ANKRD11: variants seen among roughly 807,000 people sequenced by gnomAD.
ANKRD11 encodes ankyrin repeat domain 11, also known as ankyrin repeat domain-containing protein 11.
A neutral mutation model predicts 195.7 loss-of-function variants in ANKRD11; 17 were observed. The observed-to-expected ratio is 0.09, with a 90% CI of 0.06 to 0.13. The LOEUF (loss-of-function observed/expected upper bound fraction) is 0.13. ANKRD11 is among the 10% of genes least tolerant of loss of function. ANKRD11 has a pLI of 1.00. For missense variants in ANKRD11, 3,735 were observed against 3,566.1 expected (o/e 1.05, Z -1.21); for synonymous variants, 1,953 against 1,528.1 (o/e 1.28, Z -6.49).
Position 89,291,215 on chromosome 16 carries a change from A to T in ANKRD11, c.227-32T>A. 3 of 1,610,210 alleles carry T rather than the reference A, an allele frequency of 1.9e-6. No individual in the cohort carries two copies. The highest frequency in any genetic ancestry group is 2.5e-6 in the Non-Finnish European group (3 of 1,179,772). On this transcript the variant is annotated intron_variant, in intron 4 of 12. Coordinates refer to ENST00000301030, the MANE Select transcript of ANKRD11 (RefSeq NM_013275.6). The surrounding 1 kb of genome is among the most constrained non-coding windows in gnomAD (Gnocchi z 5.3). ...GGCGGGCGAGGGAGAGAGGGAGGAGAGATTTCATGCCATGGTGTCCTCCAA... is the reference window on the plus strand; with the variant it reads ...GGCGGGCGAGGGAGAGAGGGAGGAGTGATTTCATGCCATGGTGTCCTCCAA...
In ANKRD11 at chr16:89,291,633, C is replaced by G. The variant is rs1416411053; in HGVS notation, c.227-450G>C. 4 of 1,254,184 alleles carry G rather than the reference C, an allele frequency of 3.2e-6. No individual in the cohort carries two copies. Among genetic ancestry groups the G allele is most frequent in the Admixed American group, 4.6e-5 (2 of 43,578 alleles). 77.7% of individuals were successfully genotyped at this position (1,254,184 alleles called of 1,614,324 possible). A position where few individuals can be genotyped will look rare whatever the true frequency, so the allele number is the denominator to read the frequency against. On this transcript the variant is annotated intron_variant, in intron 4 of 12. Transcript: ENST00000301030. This position sits in a 1 kb window ranked among gnomAD's most constrained non-coding sequence, Gnocchi z 5.3. Reference sequence around the variant, plus strand: ...CAGTGCAGATATAAAATGGCAGACACAGTTTAAAACACATCAGTAAATCAA... The same window carrying G: ...CAGTGCAGATATAAAATGGCAGACAGAGTTTAAAACACATCAGTAAATCAA...
rs2037646056 is a variant in ANKRD11, at chr16:89,325,441, TCC to T, written c.-59-8365_-59-8364del. 7.1e-5 allele frequency among the ~76,000 whole-genome samples: 9 copies of T among 127,494 alleles called. No individual in the cohort carries two copies. The South Asian group carries it at 1.8e-3, about 26-fold the overall frequency. 83.6% of individuals were successfully genotyped at this position (127,494 alleles called of 152,430 possible). The stretch of plus-strand genomic sequence containing the variant: ...CGTCAGAGCCAGACCCTCTCCCCTC[TCC>T]CCTCTCCTCTCTCTCTCTCTCTCTC... On this transcript the variant is annotated intron_variant, in intron 2 of 12. Transcript: ENST00000301030.
chr16:89,288,785 G>T, intron 6 of ANKRD11, 115 bp from the exon 7 acceptor site: 1 of 1,465,084 alleles, frequency 6.8e-7, no homozygotes, highest in Non-Finnish European at 9.5e-7. Context: ...GTGGGGAGCT[G>T]CCCTGTAGTG....
chr16:89,477,194 C>CT (rs398030125), intron 1 of ANKRD11, among the ~76,000 whole-genome samples: 13,220 of 142,342 alleles, frequency 0.093, 794 homozygotes, highest in Non-Finnish European at 0.14. Flanking sequence ...GTCATTTCCC[C>CT]TTTTTTTTTT....
At chr16:89,364,458 C>T (rs998573444) in intron 2 of ANKRD11, among the ~76,000 whole-genome samples, 2 of 152,220 alleles carry the variant, frequency 1.3e-5, no homozygotes, top group African/African-American at 4.8e-5. Context: ...GTTTGAGATG[C>T]TACTTAAACA....
chr16:89,348,609 A>C (rs1275645833), intron 2 of ANKRD11, among the ~76,000 whole-genome samples: 2 of 152,166 alleles, frequency 1.3e-5, no homozygotes, highest in African/African-American at 4.8e-5. Context: ...GTTAACTAAA[A>C]TTTCAATTTC....
intron 11 of ANKRD11, among the ~76,000 whole-genome samples, chr16:89,273,734 TGA>T (rs751792780): frequency 5.2e-4 from 79 of 151,912 alleles, no homozygotes; most frequent in Admixed American, 8.5e-4. Flanking sequence ...ATTGTGTATA[TGA>T]GAGACATTGA....
chr16:89,485,265 C>T (rs1289963324), intron 1 of ANKRD11, among the ~76,000 whole-genome samples: 1 of 151,716 alleles, frequency 6.6e-6, no homozygotes, highest in Non-Finnish European at 1.5e-5. Flanking sequence ...GGCTGGATCA[C>T]CTGAGGTCAG....
At chr16:89,369,933 A>C (rs1352007409) in intron 2 of ANKRD11, among the ~76,000 whole-genome samples, 1 of 152,182 alleles carries the variant, frequency 6.6e-6, no homozygotes, top group African/African-American at 2.4e-5. Context: ...ACAAAAACCA[A>C]ACACGGGGGG....
At chr16:89,338,373 T>C (rs1052731030) in intron 2 of ANKRD11, among the ~76,000 whole-genome samples, 4 of 145,332 alleles carry the variant, frequency 2.8e-5, no homozygotes, top group African/African-American at 1.0e-4. Context: ...AATTGAAACA[T>C]GGGTTTGAAA....
intron 1 of ANKRD11, among the ~76,000 whole-genome samples, chr16:89,462,813 T>C: frequency 7.1e-6 from 1 of 141,704 alleles, no homozygotes; most frequent in South Asian, 2.3e-4. Context: ...GTCTGAGAAG[T>C]GAGGAGCCCC....
chr16:89,376,323 T>C (rs1331925575), intron 2 of ANKRD11, among the ~76,000 whole-genome samples: 3 of 152,182 alleles, frequency 2.0e-5, no homozygotes, highest in African/African-American at 7.2e-5. Context: ...ACGTTTGGCT[T>C]TAACAATGTC....
intron 2 of ANKRD11, among the ~76,000 whole-genome samples, chr16:89,364,529 A>T (rs946712265): frequency 2.6e-5 from 4 of 152,140 alleles, no homozygotes; most frequent in African/African-American, 9.7e-5. Flanking sequence ...CGCCCTCAAA[A>T]CAGCGCTGAG....
intron 2 of ANKRD11, among the ~76,000 whole-genome samples, chr16:89,387,014 G>A (rs2040943134): frequency 6.6e-6 from 1 of 152,028 alleles, no homozygotes; most frequent in African/African-American, 2.4e-5. Context: ...TGCTCTGGAG[G>A]CCGCCCGTGG....
intron 12 of ANKRD11, 66 bp from the exon 13 acceptor site, chr16:89,268,729 C>A (rs2032855102): frequency 5.9e-6 from 9 of 1,530,868 alleles, no homozygotes; most frequent in Admixed American, 3.9e-5. Context: ...CTCTGCCGAC[C>A]TCAGCTGCCA....
intron 2 of ANKRD11, among the ~76,000 whole-genome samples, chr16:89,384,340 G>A (rs553476010): frequency 3.9e-5 from 6 of 152,210 alleles, no homozygotes; most frequent in Non-Finnish European, 7.3e-5. Context: ...AGACCAGCCC[G>A]TCCAACATAG....
At position 89,483,359 on chromosome 16, in the gene ANKRD11, A is replaced by T. The variant is rs59858074; in HGVS notation, c.-145+6886T>A. ...GAGAACCCAAGTTTAGCAGAATCAG[A>T]TCTAAAGACTTTGCCAAAGAAAAAT... On this transcript the variant is annotated intron_variant, in intron 1 of 12. Transcript: ENST00000301030. Among the ~76,000 whole-genome samples, 225 of 152,358 alleles carry T rather than the reference A, an allele frequency of 1.5e-3. 3 individuals carry two copies. The highest frequency in any genetic ancestry group is 0.01 in the Middle Eastern group (3 of 294).
At chr16:89,401,882 G>A (rs1055980999) in intron 2 of ANKRD11, among the ~76,000 whole-genome samples, 19 of 150,914 alleles carry the variant, frequency 1.3e-4, no homozygotes, top group African/African-American at 4.2e-4. Context: ...AGAACCCGCC[G>A]GGCACACCAG....
At chr16:89,353,342 CA>C (rs906588650) in intron 2 of ANKRD11, among the ~76,000 whole-genome samples, 18 of 142,026 alleles carry the variant, frequency 1.3e-4, no homozygotes, top group Non-Finnish European at 1.5e-4. Context: ...ACTCCAACTC[CA>C]AAAAAAAAGA....
Sources: allele counts gnomAD v4.1 joint callset (sites outside exome capture counted in the v4.1 genomes callset), GRCh38; gene constraint gnomAD v4.1.1; non-coding constraint Gnocchi (gnomAD v3.1); transcripts MANE v1.5; gene names NCBI Gene and HGNC (gene_info 2026-07-23, HGNC 2026-07-21).